The following ANKRD13C variants were observed in gnomAD, a reference collection of about 807,000 sequenced individuals.
The protein encoded by ANKRD13C is ankyrin repeat domain-containing protein 13C.
In ANKRD13C, 16 loss-of-function variants were observed where a neutral mutation model predicts 65.5. The observed-to-expected ratio is 0.24, with a 90% CI of 0.17 to 0.37. The LOEUF (loss-of-function observed/expected upper bound fraction) is 0.37, where lower values mean the gene tolerates loss of function less well. ANKRD13C is among the 10% of genes least tolerant of loss of function. The probability of loss-of-function intolerance (pLI) is 1.00; values close to 1 mark genes in which losing one functional copy is unlikely to be tolerated. For missense variants in ANKRD13C, 503 were observed against 655.9 expected (o/e 0.77, Z 2.55); for synonymous variants, 235 against 238.7 (o/e 0.98, Z 0.14).
chr1:70,281,534 C>G (rs1679390632), intron 9 of ANKRD13C, among the ~76,000 whole-genome samples: 1 of 151,070 alleles, frequency 6.6e-6, no homozygotes, highest in African/African-American at 2.4e-5. Flanking sequence ...TCCTGAGGAG[C>G]TGGGACTACA....
At position 70,261,489 on chromosome 1, in the gene ANKRD13C, C is replaced by T. The variant is rs1678388045; in HGVS notation, c.*1228G>A. 1 of 151,840 alleles carries T rather than the reference C, an allele frequency of 6.6e-6. No homozygotes were observed. The highest frequency in any genetic ancestry group is 1.9e-4 in the East Asian group (1 of 5,184). 9.4% of individuals were successfully genotyped at this position (151,840 alleles called of 1,614,324 possible). A position where few individuals can be genotyped will look rare whatever the true frequency, so the allele number is the denominator to read the frequency against. On this transcript the variant is annotated 3_prime_UTR_variant, in exon 13 of 13. Transcript: ENST00000370944. ...TTTATAACTGTTATACATTAATCCC[C>T]CTAATTTATTTTCATACTTGGACCT...
At chr1:70,304,028 T>G (rs1333369606) in intron 6 of ANKRD13C, among the ~76,000 whole-genome samples, 1 of 152,124 alleles carries the variant, frequency 6.6e-6, no homozygotes, top group Non-Finnish European at 1.5e-5. Context: ...GCTTTTGCCC[T>G]CATGTTCCTG....
chr1:70,291,501 C>A (rs1679868088), intron 9 of ANKRD13C, among the ~76,000 whole-genome samples: 1 of 152,174 alleles, frequency 6.6e-6, no homozygotes, highest in African/African-American at 2.4e-5. Context: ...TTCCTAATTT[C>A]TCCTCCCCTT....
At chr1:70,289,063 T>C (rs1287335389) in intron 9 of ANKRD13C, among the ~76,000 whole-genome samples, 1 of 152,240 alleles carries the variant, frequency 6.6e-6, no homozygotes, top group African/African-American at 2.4e-5. Flanking sequence ...TTTTTTATCT[T>C]TTGTAGAAAG....
At chr1:70,346,604 G>A (rs890337237) in intron 1 of ANKRD13C, among the ~76,000 whole-genome samples, 2 of 152,118 alleles carry the variant, frequency 1.3e-5, no homozygotes, top group Non-Finnish European at 2.9e-5. Context: ...AGCAGTAAAA[G>A]GGGATAATTT....
chr1:70,275,832 G>A (rs146120068), intron 10 of ANKRD13C, among the ~76,000 whole-genome samples: 17 of 151,782 alleles, frequency 1.1e-4, no homozygotes, highest in Admixed American at 2.6e-4. Context: ...ATGGTGGAGC[G>A]CACCTGTATT....
chr1:70,333,003 T>C (rs908866654), intron 2 of ANKRD13C, among the ~76,000 whole-genome samples: 6 of 152,134 alleles, frequency 3.9e-5, no homozygotes, highest in African/African-American at 7.2e-5. Flanking sequence ...ATTTGGCAAG[T>C]TGCATGTTGG....
chr1:70,275,555 T>C lies in ANKRD13C; in HGVS notation c.1296-737A>G, dbSNP rs796285185. Among the ~76,000 whole-genome samples, 6 of 152,280 alleles carry C rather than the reference T, an allele frequency of 3.9e-5. No homozygotes were observed. In the South Asian group the frequency reaches 6.2e-4, roughly 16 times the overall value. ...CCCATTTCAAAGTTCAGTTTAATTATGTAGTACTTAGCAGAAGTAACTACA... is the reference window on the plus strand; with the variant it reads ...CCCATTTCAAAGTTCAGTTTAATTACGTAGTACTTAGCAGAAGTAACTACA... On this transcript the variant is annotated intron_variant, in intron 10 of 12. Coordinates refer to ENST00000370944, the MANE Select transcript of ANKRD13C (RefSeq NM_030816.5).
At chr1:70,302,525 G>T (rs1680409436) in intron 6 of ANKRD13C, among the ~76,000 whole-genome samples, 1 of 143,432 alleles carries the variant, frequency 7.0e-6, no homozygotes, top group Admixed American at 7.1e-5. Context: ...AGGAGATCGA[G>T]ACCATCCCGG....
chr1:70,338,495 G>A (rs1682160134), intron 1 of ANKRD13C, among the ~76,000 whole-genome samples: 1 of 152,172 alleles, frequency 6.6e-6, no homozygotes, highest in Non-Finnish European at 1.5e-5. Flanking sequence ...CCGCTCCCGG[G>A]TTCAGGTGGT....
In ANKRD13C at chr1:70,296,144, G is replaced by A. The variant is rs1680073554; in HGVS notation, c.1039C>T (p.Arg347Trp). 2 of 1,613,222 alleles carry A rather than the reference G, an allele frequency of 1.2e-6. No homozygotes were observed. The highest frequency in any genetic ancestry group is 1.6e-4 in the Middle Eastern group (1 of 6,078). ...FTRAQTGWLF[R>W]EDKTERVGNF... is the part of the protein sequence containing the mutation. ...TTTGCACATACTGTTTTATCTTCCC[G>A]AAAAAGCCATCCTGTCTGGGCACGC... Residue 347 changes from arginine (R) to tryptophan (W), a missense_variant, in exon 8 of 13, where the codon CGG becomes TGG. Arg to Trp is a moderately radical substitution (Grantham distance 101). Coordinates refer to ENST00000370944, the MANE Select transcript of ANKRD13C (RefSeq NM_030816.5).
At chr1:70,270,979 A>G in intron 11 of ANKRD13C, 23 bp from the exon 12 acceptor site, 2 of 1,498,208 alleles carry the variant, frequency 1.3e-6, no homozygotes, top group Non-Finnish European at 1.9e-6. Context: ...AGAAGAAAAA[A>G]ATGTTTTCAT....
chr1:70,303,785 A>G (rs1296345968), intron 6 of ANKRD13C, among the ~76,000 whole-genome samples: 5 of 152,240 alleles, frequency 3.3e-5, no homozygotes, highest in Non-Finnish European at 2.9e-5. Flanking sequence ...GTTTTTATTT[A>G]ATGTTAACAG....
At chr1:70,296,011 G>A in intron 8 of ANKRD13C, 119 bp downstream of exon 8, 1 of 1,154,274 alleles carries the variant, frequency 8.7e-7, no homozygotes, top group Non-Finnish European at 1.2e-6. Flanking sequence ...TCAAGGAAGA[G>A]AGAAAAAAAC....
chr1:70,279,641 T>A (rs1236211677), intron 9 of ANKRD13C, among the ~76,000 whole-genome samples: 1 of 151,822 alleles, frequency 6.6e-6, no homozygotes, highest in African/African-American at 2.4e-5. Flanking sequence ...GAGTTGGGAT[T>A]ACAGGTGTGC....
chr1:70,305,293 GAGA>G (rs1354432121), intron 6 of ANKRD13C, among the ~76,000 whole-genome samples: 3 of 152,074 alleles, frequency 2.0e-5, no homozygotes, highest in African/African-American at 7.2e-5. Flanking sequence ...GTGTCATGGT[GAGA>G]AGAACAACAA....
intron 2 of ANKRD13C, among the ~76,000 whole-genome samples, chr1:70,328,693 C>A (rs986892654): frequency 9.2e-5 from 14 of 152,154 alleles, no homozygotes; most frequent in African/African-American, 2.9e-4. Context: ...TAAAAAACTA[C>A]ATACATGAGT....
rs114725340 is a variant in ANKRD13C, at chr1:70,290,713, T to G, written c.1215+1675A>C. ...CATGCCACTGCGCACAGCTGATTTT[T>G]AATTTTTTAATTTTTTATTTTTTTA... On this transcript the variant is annotated intron_variant, in intron 9 of 12. Coordinates refer to ENST00000370944, the MANE Select transcript of ANKRD13C (RefSeq NM_030816.5). 6.7e-3 allele frequency among the ~76,000 whole-genome samples: 1,021 copies of G among 151,998 alleles called. 11 individuals are homozygous for G. Among genetic ancestry groups the G allele is most frequent in the African/African-American group, 0.023 (959 of 41,434 alleles).
At chr1:70,330,202 TA>T (rs60418128) in intron 2 of ANKRD13C, among the ~76,000 whole-genome samples, 16,836 of 151,762 alleles carry the variant, frequency 0.11, 1,147 homozygotes, top group East Asian at 0.33. Context: ...AAAGAATGCA[TA>T]AATGTGCCAG....
Sources: gnomAD v4.1 joint callset for allele counts (sites outside exome capture counted in the v4.1 genomes callset) on GRCh38, gnomAD v4.1.1 for gene constraint, MANE v1.5 for transcripts, NCBI Gene and HGNC (gene_info 2026-07-23, HGNC 2026-07-21) for gene names.